The following ANGPT1 variants were observed in gnomAD, a reference collection of about 807,000 sequenced individuals.
ANGPT1 encodes angiopoietin 1.
ANGPT1 carries 17 observed loss-of-function variants against 62.2 expected under a neutral mutation model. That is an observed-to-expected ratio of 0.27 (90% CI 0.19 to 0.41). The LOEUF is 0.41. Ranked by LOEUF, ANGPT1 falls within the 10% of genes least tolerant of loss-of-function variation. The pLI, the probability that ANGPT1 is intolerant of heterozygous loss-of-function variation, is 1.00. For missense variants in ANGPT1, 478 were observed against 594.9 expected, an observed-to-expected ratio of 0.80 and a Z score of 2.04; for synonymous variants, 199 against 198.9, an observed-to-expected ratio of 1.00 and a Z score of 0.00.
At chr8:107,276,733 T>G (rs1813875756) in intron 7 of ANGPT1, among the ~76,000 whole-genome samples, 1 of 152,114 alleles carries the variant, frequency 6.6e-6, no homozygotes, top group Admixed American at 6.6e-5. Context: ...TTGTCCAAGG[T>G]CATTCAGAAA....
At chr8:107,459,486 A>G (rs1043401133) in intron 1 of ANGPT1, among the ~76,000 whole-genome samples, 5 of 101,938 alleles carry the variant, frequency 4.9e-5, no homozygotes, top group African/African-American at 1.7e-4. Flanking sequence ...GAGACTCCTT[A>G]TCAAACAACA....
intron 1 of ANGPT1, among the ~76,000 whole-genome samples, chr8:107,370,324 A>AG: frequency 2.1e-5 from 1 of 48,158 alleles, no homozygotes; most frequent in African/African-American, 5.3e-5. Flanking sequence ...GGAAGGAAAG[A>AG]GAAAGGAAAG....
intron 1 of ANGPT1, among the ~76,000 whole-genome samples, chr8:107,467,208 G>A (rs73295707): frequency 0.015 from 2,353 of 151,876 alleles, 55 homozygotes; most frequent in African/African-American, 0.05. Flanking sequence ...TACCTTTATC[G>A]ATCATTACAT....
chr8:107,408,395 G>A (rs563069039), intron 1 of ANGPT1, among the ~76,000 whole-genome samples: 133 of 152,124 alleles, frequency 8.7e-4, no homozygotes, highest in Non-Finnish European at 1.7e-3. Flanking sequence ...TGAAAAGATT[G>A]CTTTTGAGGT....
chr8:107,374,205 C>A (rs777663346), intron 1 of ANGPT1, among the ~76,000 whole-genome samples: 1 of 151,934 alleles, frequency 6.6e-6, no homozygotes, highest in Non-Finnish European at 1.5e-5. Flanking sequence ...AAAGTATGAT[C>A]AAATATAGCA....
rs140179333 is a variant in ANGPT1 at position 107,481,630 on chromosome 8, A to G, written c.297+15632T>C. ...ATGCTGCTATGAAGAAATACCCGAA[A>G]CTGGGTAATTTATAAAGAAAAGAGG... On this transcript the variant is annotated intron_variant, in intron 1 of 8. Coordinates refer to ENST00000517746, the MANE Select transcript of ANGPT1 (RefSeq NM_001146.5). Among the ~76,000 whole-genome samples the G allele has an allele frequency of 3.6e-3, 543 of 152,076 alleles. 5 individuals are homozygous for G. In the East Asian group the frequency reaches 0.039, roughly 11 times the overall value.
At chr8:107,281,574 C>T (rs1308408477) in intron 7 of ANGPT1, among the ~76,000 whole-genome samples, 1 of 151,956 alleles carries the variant, frequency 6.6e-6, no homozygotes, top group Non-Finnish European at 1.5e-5. Flanking sequence ...ATCAGGAGAT[C>T]GAGTCCATCC....
chr8:107,416,399 G>T (rs1009277284), intron 1 of ANGPT1, among the ~76,000 whole-genome samples: 1 of 152,186 alleles, frequency 6.6e-6, no homozygotes, highest in Non-Finnish European at 1.5e-5. Context: ...CAGATGCAGC[G>T]ATACATAGAA....
intron 3 of ANGPT1, among the ~76,000 whole-genome samples, chr8:107,331,107 T>C (rs1261607292): frequency 3.3e-5 from 5 of 152,192 alleles, no homozygotes; most frequent in African/African-American, 9.6e-5. Context: ...ATTTATCAAA[T>C]GAAAGATAGC....
chr8:107,261,203 G>C (rs1224771035), intron 8 of ANGPT1, among the ~76,000 whole-genome samples: 1 of 152,000 alleles, frequency 6.6e-6, no homozygotes, highest in Non-Finnish European at 1.5e-5. Context: ...TCATTTATGA[G>C]ATCAGGGAAG....
chr8:107,354,904 C>T (rs1389852662), intron 1 of ANGPT1, among the ~76,000 whole-genome samples: 4 of 150,486 alleles, frequency 2.7e-5, no homozygotes, highest in Non-Finnish European at 5.9e-5. Context: ...AAATCCACAC[C>T]AGATGGTGTT....
chr8:107,304,208 CTTATT>C (rs1814662150), intron 4 of ANGPT1, among the ~76,000 whole-genome samples: 1 of 151,550 alleles, frequency 6.6e-6, no homozygotes, highest in Non-Finnish European at 1.5e-5. Flanking sequence ...TGAGGAAAAC[CTTATT>C]TTATTTACTG....
intron 1 of ANGPT1, among the ~76,000 whole-genome samples, chr8:107,451,464 A>G (rs758259816): frequency 6.6e-6 from 1 of 151,896 alleles, no homozygotes; most frequent in Non-Finnish European, 1.5e-5. Flanking sequence ...AAGGGGAGAG[A>G]TTTTATCAAT....
rs186378306 is a variant in ANGPT1, at chr8:107,478,153, A to G, written c.297+19109T>C. 1.6e-3 allele frequency among the ~76,000 whole-genome samples: 248 copies of G among 151,964 alleles called. 1 individual carries two copies. Among genetic ancestry groups the G allele is most frequent in the African/African-American group, 5.9e-3 (243 of 41,458 alleles). ...CAACAGTTATTTTGAAAAATAATGA[A>G]AATTTTAATATGGTCAAAATTTCAT... On this transcript the variant is annotated intron_variant, in intron 1 of 8. Transcript: ENST00000517746.
chr8:107,464,691 T>C (rs1044605047), intron 1 of ANGPT1, among the ~76,000 whole-genome samples: 3 of 152,168 alleles, frequency 2.0e-5, no homozygotes, highest in African/African-American at 4.8e-5. Context: ...TCCTTTGAAA[T>C]GGGAATGATA....
Position 107,361,014 on chromosome 8 carries a change from C to A in ANGPT1, c.298-13917G>T, listed in dbSNP as rs574150312. On this transcript the variant is annotated intron_variant, in intron 1 of 8. Transcript: ENST00000517746. The stretch of plus-strand genomic sequence containing the variant: ...CTTTGCTGAAAAGCATTAGCATTTT[C>A]TTTCATTTACTCAACCAAAACAGAG... Among the ~76,000 whole-genome samples the A allele has an allele frequency of 3.9e-5, 6 of 152,262 alleles. No individual in the cohort carries two copies. The East Asian group carries it at 1.2e-3, about 29-fold the overall frequency.
At chr8:107,258,800 G>C (rs533646106) in intron 8 of ANGPT1, among the ~76,000 whole-genome samples, 13 of 152,110 alleles carry the variant, frequency 8.5e-5, no homozygotes, top group Non-Finnish European at 1.3e-4. Flanking sequence ...GTTCCATGCT[G>C]GTGCATATAA....
At chr8:107,326,807 C>CA (rs917678532) in intron 3 of ANGPT1, among the ~76,000 whole-genome samples, 13 of 152,050 alleles carry the variant, frequency 8.5e-5, no homozygotes, top group Non-Finnish European at 1.2e-4. Context: ...AGGTAAGAAT[C>CA]AAATGTTTTC....
At chr8:107,324,199 ATATATG>A (rs1247161535) in intron 3 of ANGPT1, among the ~76,000 whole-genome samples, 2 of 100,032 alleles carry the variant, frequency 2.0e-5, no homozygotes, top group Admixed American at 1.1e-4. Context: ...ATATATGTAT[ATATATG>A]TATATATATA....
Sources: gnomAD v4.1 joint callset for allele counts (sites outside exome capture counted in the v4.1 genomes callset) on GRCh38, gnomAD v4.1.1 for gene constraint, MANE v1.5 for transcripts, NCBI Gene and HGNC (gene_info 2026-07-23, HGNC 2026-07-21) for gene names.